Variants in EPHA5 observed in about 807,000 individuals in gnomAD.
EPHA5 encodes EPH receptor A5.
In EPHA5, 60 loss-of-function variants were observed where a neutral mutation model predicts 105.0. That is an observed-to-expected ratio of 0.57 (90% CI 0.46 to 0.71). The LOEUF (loss-of-function observed/expected upper bound fraction) is 0.71. EPHA5 is among the 30% of genes least tolerant of loss of function. The probability of loss-of-function intolerance (pLI) is 0.00; values close to 1 mark genes in which losing one functional copy is unlikely to be tolerated. For missense variants in EPHA5, 1,218 were observed against 1,274.7 expected, an observed-to-expected ratio of 0.96 and a Z score of 0.68; for synonymous variants, 513 against 449.1, an observed-to-expected ratio of 1.14 and a Z score of -1.80.
At chr4:65,342,955 G>A (rs1005903472) in intron 14 of EPHA5, among the ~76,000 whole-genome samples, 4 of 151,872 alleles carry the variant, frequency 2.6e-5, no homozygotes, top group African/African-American at 9.7e-5. Context: ...GCCAGAAAAA[G>A]AAAGCACAGA....
chr4:65,383,011 G>C (rs1560476369), intron 8 of EPHA5, among the ~76,000 whole-genome samples: 1 of 149,256 alleles, frequency 6.7e-6, no homozygotes, highest in Non-Finnish European at 1.5e-5. Flanking sequence ...TATATAGAGA[G>C]AGATTATATA....
intron 8 of EPHA5, among the ~76,000 whole-genome samples, chr4:65,382,756 C>A (rs988950870): frequency 6.6e-6 from 1 of 151,786 alleles, no homozygotes; most frequent in East Asian, 1.9e-4. Flanking sequence ...ACTCAAACAT[C>A]ATTATTTTTC....
chr4:65,425,637 T>C (rs1724361340), intron 5 of EPHA5, among the ~76,000 whole-genome samples: 1 of 151,738 alleles, frequency 6.6e-6, no homozygotes, highest in Admixed American at 6.6e-5. Flanking sequence ...AAAATAATAA[T>C]TATTATTAAT....
intron 5 of EPHA5, among the ~76,000 whole-genome samples, chr4:65,478,180 C>A (rs1730013518): frequency 6.6e-6 from 1 of 152,038 alleles, no homozygotes; most frequent in African/African-American, 2.4e-5. Context: ...CTTTAATTGG[C>A]AAAATGAAAA....
intron 3 of EPHA5, among the ~76,000 whole-genome samples, chr4:65,531,151 C>A (rs1417666057): frequency 2.6e-5 from 4 of 151,248 alleles, no homozygotes; most frequent in African/African-American, 9.7e-5. Context: ...CATTCTCCTG[C>A]CTCAGCCTCC....
At position 65,321,583 on chromosome 4, in the gene EPHA5, A is replaced by G. The variant is rs1260720079; in HGVS notation, c.*2531T>C. ...AAATTCTCAACCAAATTGAGATGCA[A>G]AAGAAAACTATGTGGCTATTTAACT... On this transcript the variant is annotated 3_prime_UTR_variant, in exon 17 of 17. Transcript: ENST00000613740. 2.2e-5 allele frequency: 5 copies of G among 229,336 alleles called. No individual in the cohort carries two copies. Among genetic ancestry groups the G allele is most frequent in the Non-Finnish European group, 4.3e-5 (5 of 115,584 alleles). 14.2% of individuals were successfully genotyped at this position (229,336 alleles called of 1,614,324 possible). A position where few individuals can be genotyped will look rare whatever the true frequency, so the allele number is the denominator to read the frequency against.
intron 3 of EPHA5, among the ~76,000 whole-genome samples, chr4:65,519,833 C>G (rs994497180): frequency 2.0e-5 from 3 of 151,982 alleles, no homozygotes; most frequent in African/African-American, 7.3e-5. Context: ...ATGTGAAGGA[C>G]CTCTTCAAGG....
At chr4:65,465,302 C>T (rs952395096) in intron 5 of EPHA5, among the ~76,000 whole-genome samples, 1 of 151,282 alleles carries the variant, frequency 6.6e-6, no homozygotes, top group Non-Finnish European at 1.5e-5. Flanking sequence ...CGGGCGTGGT[C>T]GTGGGCACCT....
intron 3 of EPHA5, among the ~76,000 whole-genome samples, chr4:65,551,826 T>A (rs1216598792): frequency 1.3e-5 from 2 of 152,234 alleles, no homozygotes; most frequent in African/African-American, 4.8e-5. Flanking sequence ...ATACTGTAGC[T>A]ATTACCATAT....
At chr4:65,476,807 G>T (rs1351728672) in intron 5 of EPHA5, among the ~76,000 whole-genome samples, 1 of 152,016 alleles carries the variant, frequency 6.6e-6, no homozygotes, top group African/African-American at 2.4e-5. Flanking sequence ...AAGCTATAAT[G>T]CCTTATTTCA....
chr4:65,465,228 G>A (rs1728497430), intron 5 of EPHA5, among the ~76,000 whole-genome samples: 2 of 151,858 alleles, frequency 1.3e-5, no homozygotes, highest in South Asian at 4.2e-4. Flanking sequence ...ACAGGGTCAG[G>A]AGTTCAAGAC....
At chr4:65,578,219 C>T (rs1741259192) in intron 3 of EPHA5, among the ~76,000 whole-genome samples, 1 of 152,114 alleles carries the variant, frequency 6.6e-6, no homozygotes, top group Non-Finnish European at 1.5e-5. Flanking sequence ...CCACCCCCAT[C>T]CCTAGTCTTT....
intron 3 of EPHA5, 65 bp downstream of exon 3, chr4:65,601,576 G>A (rs2149436287): frequency 7.0e-7 from 1 of 1,421,024 alleles, no homozygotes; most frequent in South Asian, 1.3e-5. Flanking sequence ...AATCATTGGA[G>A]GAAATACATA....
At chr4:65,443,639 T>C (rs1385862028) in intron 5 of EPHA5, among the ~76,000 whole-genome samples, 1 of 152,084 alleles carries the variant, frequency 6.6e-6, no homozygotes, top group Non-Finnish European at 1.5e-5. Context: ...GGCTAGAATC[T>C]CCTGTTGCTG....
chr4:65,341,467 C>T (rs1358530390), intron 14 of EPHA5, among the ~76,000 whole-genome samples: 1 of 151,696 alleles, frequency 6.6e-6, no homozygotes. Flanking sequence ...ATGAATGTCA[C>T]CCCATAGAAT....
intron 3 of EPHA5, among the ~76,000 whole-genome samples, chr4:65,566,401 T>C (rs551591722): frequency 6.6e-6 from 1 of 151,860 alleles, no homozygotes; most frequent in African/African-American, 2.4e-5. Flanking sequence ...AAAAATCCAC[T>C]CTATGAAACT....
rs953735108 is a variant in EPHA5 at position 65,669,985 on chromosome 4, G to A, written c.-243C>T. The A allele has an allele frequency of 2.0e-6, 1 of 488,764 alleles. No homozygotes were observed. Among genetic ancestry groups the A allele is most frequent in the Non-Finnish European group, 3.2e-6 (1 of 310,624 alleles). 30.3% of individuals were successfully genotyped at this position (488,764 alleles called of 1,614,324 possible). A position where few individuals can be genotyped will look rare whatever the true frequency, so the allele number is the denominator to read the frequency against. On this transcript the variant is annotated 5_prime_UTR_variant, in exon 1 of 17. Transcript: ENST00000613740. Reference sequence around the variant, plus strand: ...AATGAAATATTAGTTCTGGTTGCTAGTGCAGATCTGGACTCGGATCAAGGG... The same window carrying A: ...AATGAAATATTAGTTCTGGTTGCTAATGCAGATCTGGACTCGGATCAAGGG...
At chr4:65,592,616 A>G (rs1210029008) in intron 3 of EPHA5, among the ~76,000 whole-genome samples, 1 of 152,224 alleles carries the variant, frequency 6.6e-6, no homozygotes, top group African/African-American at 2.4e-5. Context: ...AGAAAGCACA[A>G]CCTTCAAGAA....
chr4:65,574,695 TATAC>T (rs1258351482), intron 3 of EPHA5, among the ~76,000 whole-genome samples: 25 of 73,448 alleles, frequency 3.4e-4, no homozygotes, highest in African/African-American at 1.0e-3. Context: ...TATACATATA[TATAC>T]ATATATATAC....
Sources: allele counts gnomAD v4.1 joint callset (sites outside exome capture counted in the v4.1 genomes callset), GRCh38; gene constraint gnomAD v4.1.1; transcripts MANE v1.5; gene names NCBI Gene and HGNC (gene_info 2026-07-23, HGNC 2026-07-21).